CTNNA2: variants seen among roughly 807,000 people sequenced by gnomAD.
CTNNA2 encodes catenin alpha 2.
A neutral mutation model predicts 101.0 loss-of-function variants in CTNNA2; 42 were observed. The ratio of observed to expected loss-of-function variants is 0.42; its 90% CI spans 0.32 to 0.54. The LOEUF is 0.54. CTNNA2 is among the 20% of genes least tolerant of loss of function. The probability of loss-of-function intolerance (pLI) is 0.14; values close to 1 mark genes in which losing one functional copy is unlikely to be tolerated. For missense variants in CTNNA2, 871 were observed against 1,223.1 expected, an observed-to-expected ratio of 0.71 and a Z score of 4.29; for synonymous variants, 450 against 456.4, an observed-to-expected ratio of 0.99 and a Z score of 0.18.
At chr2:80,615,116 A>G (rs575422596) in intron 17 of CTNNA2, among the ~76,000 whole-genome samples, 6 of 151,670 alleles carry the variant, frequency 4.0e-5, no homozygotes, top group African/African-American at 1.4e-4. Flanking sequence ...TCATATGCTA[A>G]AGATTATCTG....
At chr2:79,700,103 A>C (rs1276358183) in intron 2 of CTNNA2, among the ~76,000 whole-genome samples, 2 of 151,922 alleles carry the variant, frequency 1.3e-5, no homozygotes, top group Non-Finnish European at 2.9e-5. Context: ...ACATTATTCA[A>C]ATGTAATCAA....
chr2:79,201,056 A>G (rs1018612615), intron 2 of CTNNA2, among the ~76,000 whole-genome samples: 6 of 152,182 alleles, frequency 3.9e-5, no homozygotes, highest in Admixed American at 3.9e-4. Flanking sequence ...TTATGTAAAT[A>G]AAACCCCTTA....
chr2:79,422,505 G>A lies in CTNNA2; in HGVS notation c.-135+48492G>A, dbSNP rs114156159. On this transcript the variant is annotated intron_variant, in intron 4 of 21. Coordinates refer to the CTNNA2 transcript ENST00000466387. ...TGAAACTGACAAATGTATGCTAGAG[G>A]GAGCAGTCTTCCATGGTTTTCTTCT... 3.0e-3 allele frequency among the ~76,000 whole-genome samples: 464 copies of A among 152,206 alleles called. 2 individuals are homozygous for A. Among genetic ancestry groups the A allele is most frequent in the African/African-American group, 0.01 (426 of 41,524 alleles).
At chr2:80,389,594 A>G (rs1008630239) in intron 7 of CTNNA2, among the ~76,000 whole-genome samples, 1 of 152,202 alleles carries the variant, frequency 6.6e-6, no homozygotes, top group Non-Finnish European at 1.5e-5. Flanking sequence ...ACATTTAGAC[A>G]TACAGAGCTG....
chr2:79,854,720 G>C (rs1018426430), intron 3 of CTNNA2, among the ~76,000 whole-genome samples: 8 of 152,080 alleles, frequency 5.3e-5, no homozygotes, highest in African/African-American at 7.2e-5. Flanking sequence ...GACATCAAAG[G>C]CTTTACCGTG....
rs182308931 is a variant in CTNNA2, at chr2:79,215,777, G to C, written c.-406+17701G>C. On this transcript the variant is annotated intron_variant, in intron 2 of 21. Transcript: ENST00000466387. Reference sequence around the variant, plus strand: ...TTGCTGGGCAGGTGGGGGAGGGCTAGTCACAGAACGAAACTGTAAGCCAGA... The same window carrying C: ...TTGCTGGGCAGGTGGGGGAGGGCTACTCACAGAACGAAACTGTAAGCCAGA... Among the ~76,000 whole-genome samples the C allele has an allele frequency of 3.3e-3, 504 of 152,282 alleles. 2 individuals are homozygous for C. Among genetic ancestry groups the C allele is most frequent in the African/African-American group, 0.012 (491 of 41,546 alleles).
At chr2:79,464,374 A>C (rs1442862007) in intron 4 of CTNNA2, among the ~76,000 whole-genome samples, 1 of 152,140 alleles carries the variant, frequency 6.6e-6, no homozygotes. Flanking sequence ...TTCTTAATCC[A>C]GTCTATCATT....
intron 1 of CTNNA2, among the ~76,000 whole-genome samples, chr2:79,631,669 G>C (rs906705173): frequency 2.0e-5 from 3 of 152,144 alleles, no homozygotes; most frequent in African/African-American, 7.2e-5. Context: ...TTTGCAACAC[G>C]AAGTTTAGAG....
At chr2:79,740,698 C>T (rs1017527884) in intron 2 of CTNNA2, among the ~76,000 whole-genome samples, 4 of 152,084 alleles carry the variant, frequency 2.6e-5, no homozygotes, top group African/African-American at 2.4e-5. Context: ...ATTATTTTGT[C>T]GTTTAGCAGC....
At chr2:80,018,211 T>G (rs1457839762) in intron 7 of CTNNA2, among the ~76,000 whole-genome samples, 2 of 152,210 alleles carry the variant, frequency 1.3e-5, no homozygotes, top group Non-Finnish European at 2.9e-5. Context: ...CTCTTTGAAC[T>G]TCAATTTCAA....
At chr2:79,718,846 G>C (rs1042632261) in intron 2 of CTNNA2, among the ~76,000 whole-genome samples, 7 of 150,516 alleles carry the variant, frequency 4.7e-5, no homozygotes, top group African/African-American at 1.7e-4. Flanking sequence ...TTGTGGTGGT[G>C]GTGGTGATTG....
intron 2 of CTNNA2, among the ~76,000 whole-genome samples, chr2:79,290,604 G>C (rs1445496507): frequency 6.6e-6 from 1 of 152,066 alleles, no homozygotes; most frequent in Non-Finnish European, 1.5e-5. Context: ...ACACACAAGC[G>C]GCTGGACATC....
At chr2:80,388,417 T>C (rs1448760127) in intron 7 of CTNNA2, among the ~76,000 whole-genome samples, 1 of 152,232 alleles carries the variant, frequency 6.6e-6, no homozygotes, top group Non-Finnish European at 1.5e-5. Context: ...AGCCACGTTT[T>C]AGAGAAGAGA....
chr2:80,221,358 G>T (rs905216176), intron 7 of CTNNA2, among the ~76,000 whole-genome samples: 1 of 152,136 alleles, frequency 6.6e-6, no homozygotes, highest in Non-Finnish European at 1.5e-5. Context: ...CAGTAGAGGG[G>T]TGTATGGTAG....
intron 4 of CTNNA2, among the ~76,000 whole-genome samples, chr2:79,465,442 C>T (rs902084896): frequency 3.3e-5 from 5 of 152,112 alleles, no homozygotes; most frequent in Admixed American, 3.3e-4. Context: ...GTTCTTTTGG[C>T]TTAGGATTGT....
chr2:80,606,832 T>C (rs1233157000), intron 16 of CTNNA2, among the ~76,000 whole-genome samples: 1 of 151,936 alleles, frequency 6.6e-6, no homozygotes, highest in Admixed American at 6.6e-5. Flanking sequence ...GATAGAACTT[T>C]CAGTTTAATT....
chr2:80,123,596 A>G (rs1317551331), intron 7 of CTNNA2, among the ~76,000 whole-genome samples: 2 of 152,194 alleles, frequency 1.3e-5, no homozygotes, highest in Non-Finnish European at 2.9e-5. Flanking sequence ...ATGCTAGTGA[A>G]CAATCGTTTC....
intron 7 of CTNNA2, among the ~76,000 whole-genome samples, chr2:79,996,918 G>T (rs975276164): frequency 1.3e-5 from 2 of 152,128 alleles, no homozygotes; most frequent in African/African-American, 4.8e-5. Flanking sequence ...GTCGTGATCA[G>T]TTGGCTTGCT....
chr2:79,565,493 GGAA>G (rs554740885), intron 1 of CTNNA2, among the ~76,000 whole-genome samples: 52 of 152,250 alleles, frequency 3.4e-4, no homozygotes, highest in South Asian at 8.3e-4. Flanking sequence ...TGTCTGGGCA[GGAA>G]GAAGACTTAG....
Sources: gnomAD v4.1 joint callset for allele counts (sites outside exome capture counted in the v4.1 genomes callset) on GRCh38, gnomAD v4.1.1 for gene constraint, MANE v1.5 for transcripts, NCBI Gene and HGNC (gene_info 2026-07-23, HGNC 2026-07-21) for gene names.